The following THADA variants were observed in gnomAD, a reference collection of about 807,000 sequenced individuals.
The protein encoded by THADA is tRNA (32-2'-O)-methyltransferase regulator THADA.
In THADA, 213 loss-of-function variants were observed where a neutral mutation model predicts 219.8. The observed-to-expected ratio is 0.97, with a 90% CI of 0.87 to 1.09. THADA has a LOEUF of 1.09. THADA is among the 50% of genes least tolerant of loss of function. The probability of loss-of-function intolerance (pLI) is 0.00; values close to 1 mark genes in which losing one functional copy is unlikely to be tolerated. For missense variants in THADA, 2,956 were observed against 2,311.3 expected (o/e 1.28, Z -5.72); for synonymous variants, 1,018 against 828.9 (o/e 1.23, Z -3.92).
chr2:43,494,935 G>C (rs1688083003), intron 25 of THADA, among the ~76,000 whole-genome samples: 2 of 152,112 alleles, frequency 1.3e-5, no homozygotes, highest in Non-Finnish European at 2.9e-5. Context: ...TTTCTTTACT[G>C]CAAGTTAAAA....
chr2:43,286,529 T>A (rs929284314), intron 35 of THADA, among the ~76,000 whole-genome samples: 2 of 152,008 alleles, frequency 1.3e-5, no homozygotes, highest in Non-Finnish European at 2.9e-5. Context: ...TCACCTGAGG[T>A]CAAGAGTTCG....
Position 43,551,834 on chromosome 2 carries a change from G to C in THADA, c.2902C>G (p.Gln968Glu), listed in dbSNP as rs1453715252. The change falls in exon 19 of 38, where the codon CAG becomes GAG. Residue 968 changes from glutamine (Q) to glutamate (E), a missense_variant. By Grantham distance (29) the Gln-to-Glu change is conservative. Transcript: ENST00000405975. ...RLSTVVSPVIQSSSPEGLIPM... is the reference protein window; with the variant it reads ...RLSTVVSPVIESSSPEGLIPM... ...ATGAGGCCTTCAGGGGATGAGCTCTGAATGACTGGAGACACCACAGTGGAA... is the reference window on the plus strand; with the variant it reads ...ATGAGGCCTTCAGGGGATGAGCTCTCAATGACTGGAGACACCACAGTGGAA... 4 of 1,613,668 alleles carry C rather than the reference G, an allele frequency of 2.5e-6. No homozygotes were observed. Among genetic ancestry groups the C allele is most frequent in the African/African-American group, 1.3e-5 (1 of 74,880 alleles).
chr2:43,535,168 CTTTTTTTTTTTTTTTT>C (rs549879408), intron 21 of THADA, among the ~76,000 whole-genome samples: 1 of 52,510 alleles, frequency 1.9e-5, no homozygotes, highest in African/African-American at 8.9e-5. Flanking sequence ...ATCATTTGTC[CTTTTTTTTTTTTTTTT>C]TTTTTTTTTG....
chr2:43,384,426 G>C (rs932176331), intron 29 of THADA, among the ~76,000 whole-genome samples: 4 of 152,152 alleles, frequency 2.6e-5, no homozygotes, highest in Non-Finnish European at 5.9e-5. Flanking sequence ...TTTTGAGTTG[G>C]TGGGTGTGGA....
intron 21 of THADA, among the ~76,000 whole-genome samples, chr2:43,539,422 T>G (rs1395333700): frequency 1.3e-5 from 2 of 152,228 alleles, no homozygotes; most frequent in African/African-American, 4.8e-5. Flanking sequence ...GGGCAAAAGG[T>G]TATGTTTAAA....
At chr2:43,311,319 A>G (rs1365574335) in intron 31 of THADA, among the ~76,000 whole-genome samples, 1 of 152,202 alleles carries the variant, frequency 6.6e-6, no homozygotes, top group Non-Finnish European at 1.5e-5. Context: ...CAAAAGCACA[A>G]TTAGATCCCA....
intron 31 of THADA, among the ~76,000 whole-genome samples, chr2:43,315,452 C>CT (rs1006858512): frequency 5.4e-4 from 81 of 151,282 alleles, no homozygotes; most frequent in African/African-American, 1.7e-3. Context: ...CAGTTACATT[C>CT]TTTTTTTTTC....
intron 36 of THADA, among the ~76,000 whole-genome samples, chr2:43,259,890 G>C (rs1670744835): frequency 6.6e-6 from 1 of 152,158 alleles, no homozygotes; most frequent in Admixed American, 6.5e-5. Flanking sequence ...AATTTCTATA[G>C]ACACCATTAA....
At chr2:43,548,162 G>A (rs1251513130) in intron 20 of THADA, among the ~76,000 whole-genome samples, 8 of 152,164 alleles carry the variant, frequency 5.3e-5, no homozygotes, top group South Asian at 2.1e-4. Flanking sequence ...TACCAGCAGC[G>A]GTGGCTGCAG....
chr2:43,280,391 T>G (rs528661332), intron 35 of THADA, among the ~76,000 whole-genome samples: 1 of 152,242 alleles, frequency 6.6e-6, no homozygotes, highest in East Asian at 1.9e-4. Flanking sequence ...CCCAGCACTT[T>G]GGGAGGACGA....
chr2:43,234,663 T>A (rs557529122), intron 36 of THADA, among the ~76,000 whole-genome samples: 1 of 152,344 alleles, frequency 6.6e-6, no homozygotes, highest in Non-Finnish European at 1.5e-5. Flanking sequence ...TCCCTTCAAC[T>A]TTTATTGATT....
intron 28 of THADA, 84 bp downstream of exon 28, chr2:43,428,014 AAT>A: frequency 1.3e-6 from 1 of 758,608 alleles, no homozygotes; most frequent in East Asian, 5.3e-5. Flanking sequence ...ATATATATAA[AAT>A]AGTTTCTGAA....
intron 26 of THADA, among the ~76,000 whole-genome samples, chr2:43,468,215 G>T (rs1684490894): frequency 6.6e-6 from 1 of 152,166 alleles, no homozygotes. Flanking sequence ...AGAATGCTTG[G>T]TGTAAATTAG....
intron 21 of THADA, among the ~76,000 whole-genome samples, chr2:43,530,726 C>G (rs2172169): frequency 0.39 from 59,941 of 152,084 alleles, 12,930 homozygotes; most frequent in African/African-American, 0.55. Flanking sequence ...CTTAGGCAAA[C>G]ATCAGATTTT....
At chr2:43,525,288 A>C (rs570347448) in intron 22 of THADA, among the ~76,000 whole-genome samples, 2 of 152,194 alleles carry the variant, frequency 1.3e-5, no homozygotes, top group African/African-American at 2.4e-5. Context: ...GCGTTTTTCA[A>C]AGATGGCTAC....
intron 24 of THADA, among the ~76,000 whole-genome samples, chr2:43,504,846 T>G (rs1001242415): frequency 1.3e-5 from 2 of 152,174 alleles, no homozygotes; most frequent in African/African-American, 4.8e-5. Flanking sequence ...ATCGCACCAC[T>G]GCACTCCAGC....
At chr2:43,455,542 A>T (rs1248926939) in intron 26 of THADA, among the ~76,000 whole-genome samples, 2 of 150,134 alleles carry the variant, frequency 1.3e-5, no homozygotes, top group African/African-American at 4.9e-5. Flanking sequence ...ACACACACAC[A>T]AACACACACA....
chr2:43,481,837 A>G (rs549789908), intron 26 of THADA, among the ~76,000 whole-genome samples: 7 of 152,350 alleles, frequency 4.6e-5, no homozygotes, highest in Non-Finnish European at 8.8e-5. Flanking sequence ...AACCTGCATG[A>G]AGCTTTGGCA....
At chr2:43,485,210 A>C (rs764940383) in intron 26 of THADA, 24 bp downstream of exon 26, 1 of 1,568,688 alleles carries the variant, frequency 6.4e-7, no homozygotes, top group East Asian at 2.2e-5. Flanking sequence ...AAAAAAAGTA[A>C]AGTTAGCCTT....
Sources: allele counts gnomAD v4.1 joint callset (sites outside exome capture counted in the v4.1 genomes callset), GRCh38; gene constraint gnomAD v4.1.1; transcripts MANE v1.5; gene names NCBI Gene and HGNC (gene_info 2026-07-23, HGNC 2026-07-21).